RPAP3: variants seen among roughly 807,000 people sequenced by gnomAD.
RPAP3 encodes the protein RNA polymerase II associated protein 3.
Under a neutral mutation model 88.8 loss-of-function variants are expected in RPAP3, and 58 were observed. That is an observed-to-expected ratio of 0.65 (90% CI 0.53 to 0.81). RPAP3 has a LOEUF of 0.81. RPAP3 is among the 40% of genes least tolerant of loss of function. The pLI is 0.00. For synonymous variants in RPAP3, 255 were observed against 259.9 expected, an observed-to-expected ratio of 0.98 and a Z score of 0.18; for missense variants, 751 against 764.3, an observed-to-expected ratio of 0.98 and a Z score of 0.20.
rs185133772 is a variant in RPAP3 at position 47,706,010 on chromosome 12, G to A, written c.-65C>T. The A allele has an allele frequency of 2.9e-3, 438 of 152,820 alleles. No individual in the cohort carries two copies. The highest frequency in any genetic ancestry group is 3.7e-3 in the Non-Finnish European group (252 of 68,358). 9.5% of individuals were successfully genotyped at this position (152,820 alleles called of 1,614,324 possible). A position where few individuals can be genotyped will look rare whatever the true frequency, so the allele number is the denominator to read the frequency against. ...CGTCAGCCCCGCAGCGACTCACGCC[G>A]AGCCCGGCAGTGACTCACGCAAAGC... On this transcript the variant is annotated 5_prime_UTR_variant, in exon 1 of 17. Coordinates refer to ENST00000005386, the MANE Select transcript of RPAP3 (RefSeq NM_024604.3).
chr12:47,679,342 C>T lies in RPAP3; in HGVS notation c.1287+151G>A, dbSNP rs952963799. The T allele has an allele frequency of 8.4e-5, 43 of 512,430 alleles. No individual in the cohort carries two copies. The Admixed American group carries it at 1.4e-3, about 17-fold the overall frequency. 31.7% of individuals were successfully genotyped at this position (512,430 alleles called of 1,614,324 possible). A position where few individuals can be genotyped will look rare whatever the true frequency, so the allele number is the denominator to read the frequency against. ...AGCAAACCAACATGGCACATGTATACCTATGTATCAGATCTGCACGTTGTG... is the reference window on the plus strand; with the variant it reads ...AGCAAACCAACATGGCACATGTATATCTATGTATCAGATCTGCACGTTGTG... On this transcript the variant is annotated intron_variant, in intron 12 of 16. Coordinates refer to ENST00000005386, the MANE Select transcript of RPAP3 (RefSeq NM_024604.3).
chr12:47,689,619 G>A (rs900305209), intron 6 of RPAP3, among the ~76,000 whole-genome samples: 4 of 152,140 alleles, frequency 2.6e-5, no homozygotes, highest in South Asian at 4.1e-4. Context: ...GACTACAGGC[G>A]TAAGCCACTG....
In RPAP3 at chr12:47,697,602, C is replaced by G. The variant is rs1451515631; in HGVS notation, c.412G>C (p.Glu138Gln). ...VDSQKALVLK[E>Q]KGNKYFKQGK... The stretch of plus-strand genomic sequence containing the variant: ...AAAACCTAACTAATTAGTACCTTTT[C>G]TTTTAAAACAAGAGCCTTTTGTGAA... Residue 138 changes from glutamate (E) to glutamine (Q), a missense_variant, in exon 4 of 17, where the codon GAA becomes CAA. Glu to Gln is a conservative substitution (Grantham distance 29). Coordinates refer to ENST00000005386, the MANE Select transcript of RPAP3 (RefSeq NM_024604.3). 3 of 1,596,198 alleles carry G rather than the reference C, an allele frequency of 1.9e-6. No homozygotes were observed. Among genetic ancestry groups the G allele is most frequent in the South Asian group, 2.3e-5 (2 of 86,776 alleles).
Position 47,670,090 on chromosome 12 carries a change from ACAGTATTTC to A in RPAP3, c.1526+8_1526+16del. 7.0e-7 allele frequency: 1 copy of A among 1,436,752 alleles called. No homozygotes were observed. The highest frequency in any genetic ancestry group is 9.8e-7 in the Non-Finnish European group (1 of 1,018,872). The allele number at this position is 1,436,752 out of a possible 1,614,324, so 89.0% of individuals were successfully genotyped here. Reference sequence around the variant, plus strand: ...ACCCATTCTGGATGATCAGCAAATAACAGTATTTCTACTCACTGCAGGGATGAAGTATCA... The same window carrying A: ...ACCCATTCTGGATGATCAGCAAATAATACTCACTGCAGGGATGAAGTATCA... On this transcript the variant is annotated splice_region_variant and intron_variant, in intron 13 of 16. Transcript: ENST00000005386.
intron 8 of RPAP3, among the ~76,000 whole-genome samples, 188 bp from the exon 9 acceptor site, chr12:47,687,095 T>C (rs1939342064): frequency 6.6e-6 from 1 of 152,232 alleles, no homozygotes; most frequent in Non-Finnish European, 1.5e-5. Context: ...TTAATGGCAT[T>C]ATTCTCTTTT....
At chr12:47,668,055 G>A (rs186853746) in intron 14 of RPAP3, among the ~76,000 whole-genome samples, 1 of 152,222 alleles carries the variant, frequency 6.6e-6, no homozygotes, top group East Asian at 1.9e-4. Context: ...AATTAGCCGG[G>A]CATGGTGGCA....
intron 5 of RPAP3, among the ~76,000 whole-genome samples, chr12:47,690,872 A>C (rs1939414968): frequency 6.6e-6 from 1 of 152,252 alleles, no homozygotes; most frequent in South Asian, 2.1e-4. Context: ...CAATAAAGCT[A>C]GTCACACAAA....
At chr12:47,685,436 C>G (rs1031636238) in intron 9 of RPAP3, among the ~76,000 whole-genome samples, 3 of 151,414 alleles carry the variant, frequency 2.0e-5, no homozygotes, top group African/African-American at 7.3e-5. Context: ...ACTGGTATCT[C>G]AAAATATTGC....
At chr12:47,694,927 A>T (rs1939494585) in intron 5 of RPAP3, among the ~76,000 whole-genome samples, 1 of 152,230 alleles carries the variant, frequency 6.6e-6, no homozygotes, top group African/African-American at 2.4e-5. Context: ...ATGAGAATGT[A>T]AACTCATCCA....
intron 3 of RPAP3, chr12:47,699,449 T>C (rs1395574750): frequency 6.6e-6 from 1 of 152,176 alleles, no homozygotes; most frequent in Non-Finnish European, 1.5e-5. Context: ...CAGTGATAAA[T>C]TCAAGACTCA....
intron 3 of RPAP3, chr12:47,699,276 TG>T (rs1457876146): frequency 6.6e-6 from 1 of 152,176 alleles, no homozygotes; most frequent in Non-Finnish European, 1.5e-5. Context: ...AAAACATCTC[TG>T]TAAGAAATCA....
At chr12:47,671,084 CT>C (rs1331282693) in intron 12 of RPAP3, among the ~76,000 whole-genome samples, 1 of 151,988 alleles carries the variant, frequency 6.6e-6, no homozygotes, top group Non-Finnish European at 1.5e-5. Flanking sequence ...AAATAAATGG[CT>C]TTCATTGTTT....
chr12:47,702,373 C>A (rs1343789715), intron 2 of RPAP3, among the ~76,000 whole-genome samples: 1 of 151,802 alleles, frequency 6.6e-6, no homozygotes, highest in Non-Finnish European at 1.5e-5. Context: ...TGATGAGACC[C>A]CGTCTCTACT....
chr12:47,681,585 T>C, intron 10 of RPAP3, 111 bp downstream of exon 10: 1 of 1,106,698 alleles, frequency 9.0e-7, no homozygotes, highest in Non-Finnish European at 1.3e-6. Context: ...AAAGAAAACA[T>C]AATTCCCTAA....
intron 12 of RPAP3, among the ~76,000 whole-genome samples, chr12:47,677,501 T>C (rs1939140703): frequency 6.6e-6 from 1 of 152,110 alleles, no homozygotes; most frequent in Non-Finnish European, 1.5e-5. Context: ...CCCCATCGTC[T>C]CAGCCCAAAA....
At chr12:47,684,331 C>G (rs1181004195) in intron 9 of RPAP3, among the ~76,000 whole-genome samples, 1 of 152,230 alleles carries the variant, frequency 6.6e-6, no homozygotes, top group Non-Finnish European at 1.5e-5. Flanking sequence ...CTCCCTACTG[C>G]TACCCCGCAC....
At chr12:47,674,546 G>T (rs1939069679) in intron 12 of RPAP3, among the ~76,000 whole-genome samples, 1 of 152,138 alleles carries the variant, frequency 6.6e-6, no homozygotes, top group African/African-American at 2.4e-5. Flanking sequence ...GTGCAGAGAA[G>T]ACCTTAAATG....
chr12:47,701,585 T>C lies in RPAP3; in HGVS notation c.173A>G (p.Asn58Ser), dbSNP rs761948776. The change falls in exon 3 of 17, where the codon AAT becomes AGT. Residue 58 changes from asparagine (N) to serine (S), a missense_variant. Coordinates refer to ENST00000005386, the MANE Select transcript of RPAP3 (RefSeq NM_024604.3). ...VPEENLPPIR[N>S]GNFRKKKKGK... ...TTTCTTCTTTTTCCTAAAATTCCCATTTCGAATAGGAGGTAAATTCTAAGG... is the reference window on the plus strand; with the variant it reads ...TTTCTTCTTTTTCCTAAAATTCCCACTTCGAATAGGAGGTAAATTCTAAGG... The C allele has an allele frequency of 1.3e-6, 2 of 1,593,404 alleles. No homozygotes were observed. The highest frequency in any genetic ancestry group is 1.7e-4 in the Middle Eastern group (1 of 5,972).
intron 14 of RPAP3, among the ~76,000 whole-genome samples, chr12:47,668,152 G>T (rs1026445121): frequency 6.6e-6 from 1 of 152,116 alleles, no homozygotes; most frequent in Admixed American, 6.6e-5. Flanking sequence ...CTGAGATTGC[G>T]TCATTGCACT....
Sources: allele counts gnomAD v4.1 joint callset (sites outside exome capture counted in the v4.1 genomes callset), GRCh38; gene constraint gnomAD v4.1.1; transcripts MANE v1.5; gene names NCBI Gene and HGNC (gene_info 2026-07-23, HGNC 2026-07-21).